ARHGAP25: variants seen among roughly 807,000 people sequenced by gnomAD.
ARHGAP25 encodes Rho GTPase activating protein 25, also known as rho GTPase-activating protein 25.
Under a neutral mutation model 71.0 loss-of-function variants are expected in ARHGAP25, and 34 were observed. The observed-to-expected ratio is 0.48, with a 90% CI of 0.36 to 0.64. ARHGAP25 has a LOEUF of 0.64. Among genes scored for constraint, ARHGAP25 ranks in the 30% least tolerant of loss-of-function variants. The pLI is 0.00. For synonymous variants in ARHGAP25, 282 were observed against 296.5 expected (o/e 0.95, Z 0.50); for missense variants, 706 against 805.1 (o/e 0.88, Z 1.49).
intron 2 of ARHGAP25, among the ~76,000 whole-genome samples, chr2:68,723,954 A>C (rs2104260017): frequency 6.6e-6 from 1 of 152,098 alleles, no homozygotes; most frequent in East Asian, 1.9e-4. Flanking sequence ...AGCTCACTGC[A>C]GCCTGGACCT....
In ARHGAP25 at chr2:68,787,964, C is replaced by A. The variant is rs751789669; in HGVS notation, c.466+8C>A. Reference sequence around the variant, plus strand: ...CTGGCACACCCTGTGGAGGTAAGGACCCCTGCAGGCTTTCCTGGGCAGGTG... The same window carrying A: ...CTGGCACACCCTGTGGAGGTAAGGAACCCTGCAGGCTTTCCTGGGCAGGTG... On this transcript the variant is annotated splice_region_variant and intron_variant, in intron 4 of 10. Transcript: ENST00000409202. 18 of 1,608,962 alleles carry A rather than the reference C, an allele frequency of 1.1e-5. No homozygotes were observed. Among genetic ancestry groups the A allele is most frequent in the Middle Eastern group, 1.6e-4 (1 of 6,062 alleles).
intron 4 of ARHGAP25, among the ~76,000 whole-genome samples, chr2:68,800,736 C>A (rs142689760): frequency 6.6e-6 from 1 of 152,038 alleles, no homozygotes; most frequent in Admixed American, 6.5e-5. Context: ...TAAAATGGAA[C>A]AATAATATTT....
chr2:68,800,998 C>G (rs1679922784), intron 4 of ARHGAP25, among the ~76,000 whole-genome samples: 1 of 152,022 alleles, frequency 6.6e-6, no homozygotes, highest in Admixed American at 6.6e-5. Context: ...ACCCAGAGGT[C>G]AGACACTGGT....
At chr2:68,797,603 CGCAAGGGTTCATCCCCCGCTCAAGCCCCA>C (rs1280180074) in intron 4 of ARHGAP25, among the ~76,000 whole-genome samples, 1 of 152,166 alleles carries the variant, frequency 6.6e-6, no homozygotes, top group Non-Finnish European at 1.5e-5. Context: ...CAGAACGGGC[CGCAAGGGTTCATCCCCCGCTCAAGCCCCA>C]GTCCTGCAAG....
chr2:68,799,550 G>T (rs1225647308), intron 4 of ARHGAP25, among the ~76,000 whole-genome samples: 1 of 152,196 alleles, frequency 6.6e-6, no homozygotes, highest in Non-Finnish European at 1.5e-5. Context: ...TTGATATATA[G>T]AACAATGCTG....
At chr2:68,785,289 G>C (rs187375580) in intron 3 of ARHGAP25, among the ~76,000 whole-genome samples, 12 of 152,288 alleles carry the variant, frequency 7.9e-5, no homozygotes, top group South Asian at 4.1e-4. Flanking sequence ...GAAAACAAAA[G>C]TAAGTAGTGG....
chr2:68,741,738 A>G (rs527399866), intron 1 of ARHGAP25, among the ~76,000 whole-genome samples: 2 of 152,294 alleles, frequency 1.3e-5, no homozygotes, highest in African/African-American at 4.8e-5. Context: ...GTGACTGAGC[A>G]TTGCAATTTA....
chr2:68,801,695 C>T (rs1325450829), intron 4 of ARHGAP25, among the ~76,000 whole-genome samples: 1 of 152,170 alleles, frequency 6.6e-6, no homozygotes, highest in African/African-American at 2.4e-5. Flanking sequence ...GATGGACTGT[C>T]TGCCTTTGAG....
chr2:68,716,845 T>C (rs1674617904), intron 2 of ARHGAP25, among the ~76,000 whole-genome samples: 1 of 152,246 alleles, frequency 6.6e-6, no homozygotes, highest in South Asian at 2.1e-4. Flanking sequence ...TCGTTCTCTT[T>C]ACTCTTTGAT....
upstream of ARHGAP25, among the ~76,000 whole-genome samples, chr2:68,731,265 C>T (rs533943433): frequency 2.0e-5 from 3 of 152,184 alleles, no homozygotes; most frequent in South Asian, 4.1e-4. Context: ...TGTTTTTGTG[C>T]GTGCCCCATC....
At chr2:68,805,645 A>G (rs1471529704) in intron 4 of ARHGAP25, among the ~76,000 whole-genome samples, 1 of 152,140 alleles carries the variant, frequency 6.6e-6, no homozygotes, top group Non-Finnish European at 1.5e-5. Context: ...AAGAGACTGT[A>G]GCGGTTACAG....
In ARHGAP25 at chr2:68,818,925, G is replaced by A. The variant is rs183164169; in HGVS notation, c.1004-198G>A. ...CAGCTCCCTCTTTTATTCTACTCCC[G>A]TGTCCTTCTGTTCCATCCCTTTCAA... On this transcript the variant is annotated intron_variant, in intron 8 of 10. Coordinates refer to ENST00000409202, the MANE Select transcript of ARHGAP25 (RefSeq NM_001007231.3). Among the ~76,000 whole-genome samples, 3 of 152,184 alleles carry A rather than the reference G, an allele frequency of 2.0e-5. No individual in the cohort carries two copies. Among genetic ancestry groups the A allele is most frequent in the East Asian group, 3.9e-4 (2 of 5,192 alleles).
At chr2:68,728,497 G>T (rs904544759) in intron 2 of ARHGAP25, among the ~76,000 whole-genome samples, 1 of 151,502 alleles carries the variant, frequency 6.6e-6, no homozygotes, top group African/African-American at 2.4e-5. Flanking sequence ...ATACCCAAGA[G>T]AGATGATTTT....
At chr2:68,781,680 T>C (rs1678348659) in intron 2 of ARHGAP25, among the ~76,000 whole-genome samples, 1 of 152,220 alleles carries the variant, frequency 6.6e-6, no homozygotes, top group Non-Finnish European at 1.5e-5. Flanking sequence ...AGAAGCTTTC[T>C]GATCTCTTTT....
At chr2:68,740,732 T>C (rs1675478231) in intron 1 of ARHGAP25, among the ~76,000 whole-genome samples, 1 of 152,240 alleles carries the variant, frequency 6.6e-6, no homozygotes, top group Admixed American at 6.5e-5. Flanking sequence ...TGAACATGCA[T>C]ATATGAGTCA....
intron 4 of ARHGAP25, among the ~76,000 whole-genome samples, chr2:68,798,826 G>T (rs1011645509): frequency 6.6e-6 from 1 of 152,184 alleles, no homozygotes; most frequent in Admixed American, 6.5e-5. Context: ...ACAGAAAGAA[G>T]AACAGGCTCT....
intron 10 of ARHGAP25, among the ~76,000 whole-genome samples, chr2:68,824,060 C>A (rs1681910505): frequency 6.6e-6 from 1 of 152,162 alleles, no homozygotes; most frequent in Non-Finnish European, 1.5e-5. Flanking sequence ...CTACTTTGAA[C>A]CCTCATTCAT....
intron 2 of ARHGAP25, among the ~76,000 whole-genome samples, chr2:68,718,716 T>C (rs1455429409): frequency 6.7e-6 from 1 of 149,346 alleles, no homozygotes; most frequent in Admixed American, 6.8e-5. Flanking sequence ...GCATCATTTG[T>C]TCTAACATTT....
At chr2:68,729,081 TAAAG>T (rs1674947663) in intron 2 of ARHGAP25, among the ~76,000 whole-genome samples, 1 of 152,172 alleles carries the variant, frequency 6.6e-6, no homozygotes, top group African/African-American at 2.4e-5. Context: ...TATAGAGACA[TAAAG>T]TGGTTGCCTA....
Sources: allele counts gnomAD v4.1 joint callset (sites outside exome capture counted in the v4.1 genomes callset), GRCh38; gene constraint gnomAD v4.1.1; transcripts MANE v1.5; gene names NCBI Gene and HGNC (gene_info 2026-07-23, HGNC 2026-07-21).